The following CADPS2 variants were observed in gnomAD, a reference collection of about 807,000 sequenced individuals.
CADPS2 encodes calcium-dependent secretion activator 2.
In CADPS2, 93 loss-of-function variants were observed where a neutral mutation model predicts 172.5. That is an observed-to-expected ratio of 0.54 (90% CI 0.46 to 0.64). The LOEUF (loss-of-function observed/expected upper bound fraction) is 0.64, where lower values mean the gene tolerates loss of function less well. Among genes scored for constraint, CADPS2 ranks in the 30% least tolerant of loss-of-function variants. CADPS2 has a pLI of 0.00. For missense variants in CADPS2, 1,420 were observed against 1,565.9 expected, an observed-to-expected ratio of 0.91 and a Z score of 1.57; for synonymous variants, 546 against 555.2, an observed-to-expected ratio of 0.98 and a Z score of 0.23.
chr7:122,447,873 C>T (rs1427438966), intron 15 of CADPS2, among the ~76,000 whole-genome samples: 1 of 151,972 alleles, frequency 6.6e-6, no homozygotes, highest in African/African-American at 2.4e-5. Context: ...ATCTTAGATC[C>T]TCTTTGTTTC....
chr7:122,375,615 A>G (rs1381884366), intron 25 of CADPS2, among the ~76,000 whole-genome samples: 1 of 152,138 alleles, frequency 6.6e-6, no homozygotes, highest in Non-Finnish European at 1.5e-5. Context: ...AACACCATCA[A>G]GTAAAAATGG....
At chr7:122,541,774 CATATATTCATATATTT>C (rs1282245171) in intron 8 of CADPS2, among the ~76,000 whole-genome samples, 5 of 139,374 alleles carry the variant, frequency 3.6e-5, no homozygotes, top group Non-Finnish European at 6.1e-5. Flanking sequence ...TATATATTCA[CATATATTCATATATTT>C]ATATATTCAT....
At chr7:122,334,839 T>C (rs2035590852) in intron 28 of CADPS2, among the ~76,000 whole-genome samples, 1 of 152,210 alleles carries the variant, frequency 6.6e-6, no homozygotes, top group Non-Finnish European at 1.5e-5. Context: ...ACATTTTATG[T>C]GGAAATAAAA....
At chr7:122,361,246 TAAA>T (rs199505684) in intron 25 of CADPS2, among the ~76,000 whole-genome samples, 2 of 109,378 alleles carry the variant, frequency 1.8e-5, no homozygotes, top group Non-Finnish European at 1.8e-5. Context: ...TTTTTTTTTT[TAAA>T]ATGAGATGGA....
intron 8 of CADPS2, among the ~76,000 whole-genome samples, chr7:122,535,553 A>G (rs888691031): frequency 2.6e-5 from 4 of 152,064 alleles, no homozygotes; most frequent in Non-Finnish European, 5.9e-5. Context: ...CTGTTAAAGA[A>G]CCTTTCCAGT....
Position 122,472,212 on chromosome 7 carries a change from T to C in CADPS2, c.1999-650A>G, listed in dbSNP as rs532496768. Among the ~76,000 whole-genome samples, 6 of 152,246 alleles carry C rather than the reference T, an allele frequency of 3.9e-5. No individual in the cohort carries two copies. The East Asian group carries it at 1.2e-3, about 29-fold the overall frequency. ...GGACAGGTTAGGTGGAGCTGGCTTATAAAATATCTTGATGAATTATATGGA... is the reference window on the plus strand; with the variant it reads ...GGACAGGTTAGGTGGAGCTGGCTTACAAAATATCTTGATGAATTATATGGA... On this transcript the variant is annotated intron_variant, in intron 13 of 29. Transcript: ENST00000449022.
chr7:122,774,269 TACACACACACACACACACACACAC>T (rs56843003), intron 1 of CADPS2, among the ~76,000 whole-genome samples: 1 of 142,966 alleles, frequency 7.0e-6, no homozygotes, highest in Admixed American at 7.0e-5. Context: ...TAGATAGATA[TACACACACACACACACACACACAC>T]ACACACACAC....
chr7:122,654,463 C>T (rs1214170422), intron 3 of CADPS2, among the ~76,000 whole-genome samples: 1 of 152,198 alleles, frequency 6.6e-6, no homozygotes, highest in Non-Finnish European at 1.5e-5. Context: ...AGCTAATGCT[C>T]ACTTACTATT....
chr7:122,429,954 T>C (rs2049665975), intron 17 of CADPS2, among the ~76,000 whole-genome samples: 1 of 152,136 alleles, frequency 6.6e-6, no homozygotes, highest in Non-Finnish European at 1.5e-5. Context: ...TTATTACTTA[T>C]TGCTATCGTG....
intron 1 of CADPS2, among the ~76,000 whole-genome samples, chr7:122,775,228 C>T (rs1050150160): frequency 6.6e-6 from 1 of 152,182 alleles, no homozygotes; most frequent in African/African-American, 2.4e-5. Context: ...AAGCCTAAGA[C>T]TAAAGTCTTA....
At chr7:122,453,076 G>A (rs894073774) in intron 14 of CADPS2, among the ~76,000 whole-genome samples, 1 of 152,054 alleles carries the variant, frequency 6.6e-6, no homozygotes, top group Non-Finnish European at 1.5e-5. Flanking sequence ...CTCATGTGCT[G>A]CTGGAATTTA....
intron 3 of CADPS2, among the ~76,000 whole-genome samples, chr7:122,638,303 T>C (rs1410014416): frequency 2.0e-5 from 3 of 152,128 alleles, no homozygotes; most frequent in Non-Finnish European, 4.4e-5. Flanking sequence ...TTTTCAGTAT[T>C]CTGAGAGGGA....
chr7:122,493,130 A>G (rs1673150613), intron 9 of CADPS2, among the ~76,000 whole-genome samples: 1 of 152,186 alleles, frequency 6.6e-6, no homozygotes, highest in Admixed American at 6.5e-5. Context: ...AGACTAAGAG[A>G]AGATGCATGC....
chr7:122,700,628 A>G (rs2136243765), intron 2 of CADPS2, among the ~76,000 whole-genome samples: 1 of 152,306 alleles, frequency 6.6e-6, no homozygotes, highest in East Asian at 1.9e-4. Flanking sequence ...ACTAGAAAAA[A>G]GGAAGATGCA....
At position 122,642,548 on chromosome 7, in the gene CADPS2, C is replaced by CTTT. The variant is rs10717947; in HGVS notation, c.787-13223_787-13221dup. Among the ~76,000 whole-genome samples the CTTT allele has an allele frequency of 5.2e-3, 759 of 146,168 alleles. 8 individuals are homozygous for CTTT. The highest frequency in any genetic ancestry group is 0.018 in the African/African-American group (708 of 39,984). On this transcript the variant is annotated intron_variant, in intron 3 of 29. Transcript: ENST00000449022. ...ATAACTACTAAGTTTCACCCAACAG[C>CTTT]TTTTTTTTTTTTTTTTTACAACTTA...
At chr7:122,816,303 T>C (rs1283850204) in intron 1 of CADPS2, among the ~76,000 whole-genome samples, 1 of 152,208 alleles carries the variant, frequency 6.6e-6, no homozygotes. Context: ...TTTGTCTTTC[T>C]GTGTCTGGCT....
At chr7:122,530,590 CTT>C (rs765827974) in intron 8 of CADPS2, among the ~76,000 whole-genome samples, 2 of 152,046 alleles carry the variant, frequency 1.3e-5, no homozygotes, top group Non-Finnish European at 2.9e-5. Context: ...ATATAACAAT[CTT>C]ATAAGGTTTC....
At chr7:122,558,557 T>C (rs2065317227) in intron 7 of CADPS2, among the ~76,000 whole-genome samples, 1 of 152,158 alleles carries the variant, frequency 6.6e-6, no homozygotes, top group Admixed American at 6.6e-5. Context: ...CATAATAAAA[T>C]GTCAGTGTCA....
intron 14 of CADPS2, among the ~76,000 whole-genome samples, chr7:122,457,256 T>G (rs2053895778): frequency 6.6e-6 from 1 of 152,222 alleles, no homozygotes; most frequent in Non-Finnish European, 1.5e-5. Context: ...TGAGGAAGAC[T>G]GCTTAAATAT....
Sources: gnomAD v4.1 joint callset for allele counts (sites outside exome capture counted in the v4.1 genomes callset) on GRCh38, gnomAD v4.1.1 for gene constraint, MANE v1.5 for transcripts, NCBI Gene and HGNC (gene_info 2026-07-23, HGNC 2026-07-21) for gene names.